PCLO: variants seen among roughly 807,000 people sequenced by gnomAD.
PCLO encodes piccolo presynaptic cytomatrix protein.
A neutral mutation model predicts 427.5 loss-of-function variants in PCLO; 82 were observed. That is an observed-to-expected ratio of 0.19 (90% CI 0.16 to 0.23). The LOEUF (loss-of-function observed/expected upper bound fraction) is 0.23. Among genes scored for constraint, PCLO ranks in the 10% least tolerant of loss-of-function variants. The pLI, the probability that PCLO is intolerant of heterozygous loss-of-function variation, is 1.00. For missense variants in PCLO, 6,239 were observed against 6,115.9 expected (o/e 1.02, Z -0.67); for synonymous variants, 2,357 against 2,155.4 (o/e 1.09, Z -2.59).
chr7:83,082,189 T>G lies in PCLO; in HGVS notation c.3300+52061A>C, dbSNP rs987675637. ...AAAAATTTTTCATACGGGGAATGAT[T>G]TGTTAAAATATGCAATAGAAAAAAC... is the stretch of plus-strand genomic sequence containing the variant. On this transcript the variant is annotated intron_variant, in intron 3 of 24. Coordinates refer to ENST00000333891, the MANE Select transcript of PCLO (RefSeq NM_033026.6). 2.6e-5 allele frequency among the ~76,000 whole-genome samples: 4 copies of G among 151,414 alleles called. No homozygotes were observed. The East Asian group carries it at 7.7e-4, about 29-fold the overall frequency.
chr7:82,809,039 A>G (rs1791513818), intron 20 of PCLO, among the ~76,000 whole-genome samples: 2 of 151,908 alleles, frequency 1.3e-5, no homozygotes, highest in African/African-American at 2.4e-5. Context: ...GTATTTACTC[A>G]TTTCTTTCTC....
At position 83,135,263 on chromosome 7, in the gene PCLO, T is replaced by C. The variant is rs758231644; in HGVS notation, c.2287A>G (p.Thr763Ala). The stretch of plus-strand genomic sequence containing the variant: ...GATGATGAAGATACAAGGTCAGTGG[T>C]TGGCTTTACCATCTTGGGCTGCTTT... ...KPKQPKMVKP[T>A]TDLVSSSSAT... The change falls in exon 3 of 25, where the codon ACC (threonine) becomes GCC (alanine). Residue 763 changes from threonine (T) to alanine (A), a missense_variant. Transcript: ENST00000333891. The C allele has an allele frequency of 1.9e-6, 3 of 1,613,872 alleles. No homozygotes were observed. Among genetic ancestry groups the C allele is most frequent in the Admixed American group, 1.7e-5 (1 of 60,010 alleles).
At chr7:83,017,654 C>T (rs1361576337) in intron 3 of PCLO, among the ~76,000 whole-genome samples, 2 of 151,896 alleles carry the variant, frequency 1.3e-5, no homozygotes, top group African/African-American at 4.8e-5. Context: ...TATACAGCTA[C>T]AAAATCATGT....
chr7:82,914,359 A>G, intron 7 of PCLO: 1 of 467,812 alleles, frequency 2.1e-6, no homozygotes, highest in Non-Finnish European at 3.7e-6. Context: ...ACAATGAAAA[A>G]CTTTTCAACT....
chr7:83,138,612 G>C (rs1287618132), intron 2 of PCLO, among the ~76,000 whole-genome samples: 1 of 151,722 alleles, frequency 6.6e-6, no homozygotes, highest in African/African-American at 2.4e-5. Context: ...ATTGAGCCGA[G>C]AAGCACTCCA....
chr7:82,793,252 C>T (rs549083556), intron 22 of PCLO, among the ~76,000 whole-genome samples: 1 of 152,226 alleles, frequency 6.6e-6, no homozygotes, highest in South Asian at 2.1e-4. Flanking sequence ...GAGTCACATT[C>T]TATGCCAGTG....
intron 3 of PCLO, among the ~76,000 whole-genome samples, chr7:83,038,031 T>TATATG (rs1562932995): frequency 5.8e-5 from 1 of 17,276 alleles, no homozygotes; most frequent in Non-Finnish European, 9.0e-5. Context: ...ATATATATAT[T>TATATG]TATATATTTA....
chr7:82,955,600 A>G lies in PCLO; in HGVS notation c.5353T>C (p.Leu1785=). The G allele has an allele frequency of 6.2e-7, 1 of 1,613,720 alleles. No homozygotes were observed. Among genetic ancestry groups the G allele is most frequent in the Non-Finnish European group, 8.5e-7 (1 of 1,179,812 alleles). The change falls in exon 5 of 25, where the codon TTA becomes CTA. Residue 1785 remains leucine (L), a synonymous_variant. Coordinates refer to ENST00000333891, the MANE Select transcript of PCLO (RefSeq NM_033026.6). ...EEEELREEEE[L]LKEQEKQREI... ...CTCTGCTTTTCTTGCTCCTTTAATA[A>G]TTCTTCTTCCTCTCTCAATTCTTCT...
intron 6 of PCLO, among the ~76,000 whole-genome samples, chr7:82,937,556 C>G (rs539983772): frequency 6.6e-6 from 1 of 151,730 alleles, no homozygotes; most frequent in South Asian, 2.1e-4. Context: ...TAATTATGAT[C>G]TCATGTGCTT....
intron 2 of PCLO, among the ~76,000 whole-genome samples, chr7:83,142,045 G>GAC (rs368575284): frequency 0.014 from 2,066 of 148,562 alleles, 33 homozygotes; most frequent in Non-Finnish European, 0.022. Context: ...CCCTCCCCCC[G>GAC]ACACACACAC....
At chr7:82,980,335 C>T (rs964683883) in intron 3 of PCLO, among the ~76,000 whole-genome samples, 5 of 152,050 alleles carry the variant, frequency 3.3e-5, no homozygotes, top group Admixed American at 1.3e-4. Flanking sequence ...GTGGTGTCAC[C>T]GGGAATACAT....
In PCLO at chr7:83,117,643, T is replaced by A. The variant is rs549404369; in HGVS notation, c.3300+16607A>T. Among the ~76,000 whole-genome samples, 4 of 152,322 alleles carry A rather than the reference T, an allele frequency of 2.6e-5. No homozygotes were observed. The East Asian group carries it at 7.7e-4, about 29-fold the overall frequency. On this transcript the variant is annotated intron_variant, in intron 3 of 24. Coordinates refer to ENST00000333891, the MANE Select transcript of PCLO (RefSeq NM_033026.6). The stretch of plus-strand genomic sequence containing the variant: ...TCACCTGTGACTCAAACTCACTGTA[T>A]GTACAGCATAACTCTAAGCCCATAT...
intron 3 of PCLO, among the ~76,000 whole-genome samples, chr7:83,019,110 ATGAG>A (rs947813801): frequency 2.4e-4 from 36 of 152,014 alleles, no homozygotes; most frequent in Non-Finnish European, 4.6e-4. Flanking sequence ...ACATTTATAC[ATGAG>A]TGAGTGAATG....
intron 19 of PCLO, 40 bp downstream of exon 19, chr7:82,824,196 T>G (rs748711285): frequency 7.1e-7 from 1 of 1,413,650 alleles, no homozygotes; most frequent in South Asian, 1.3e-5. Context: ...ACTGAACAAA[T>G]AGACACAAAA....
rs937525971 is a variant in PCLO, at chr7:82,975,719, T to G, written c.3301-9232A>C. Among the ~76,000 whole-genome samples, 6 of 152,090 alleles carry G rather than the reference T, an allele frequency of 3.9e-5. 1 individual carries two copies. Among genetic ancestry groups the G allele is most frequent in the Admixed American group, 3.9e-4 (6 of 15,264 alleles). On this transcript the variant is annotated intron_variant, in intron 3 of 24. Coordinates refer to ENST00000333891, the MANE Select transcript of PCLO (RefSeq NM_033026.6). ...GTCCCCACCAAATCTCATTGTAAAA[T>G]GTAATCCCCACGTGTGGAGGGAGGG...
chr7:83,135,575 G>C lies in PCLO; in HGVS notation c.1975C>G (p.Pro659Ala). The change falls in exon 3 of 25, where the codon CCC becomes GCC. Residue 659 changes from proline to alanine, a missense_variant. Physicochemically the swap from Pro to Ala is conservative, Grantham distance 27. Coordinates refer to ENST00000333891, the MANE Select transcript of PCLO (RefSeq NM_033026.6). The stretch of plus-strand genomic sequence containing the variant: ...GTAACAGGTGCAGTCTTCAGTTTGG[G>C]CTGGGGTGATGACGGAACTGGAGCC... ...DLAPVPSSPQPKLKTAPVTTT... is the reference protein window; with the variant it reads ...DLAPVPSSPQAKLKTAPVTTT... 6.2e-7 allele frequency: 1 copy of C among 1,613,480 alleles called. No homozygotes were observed. The highest frequency in any genetic ancestry group is 8.5e-7 in the Non-Finnish European group (1 of 1,179,760).
At chr7:82,793,407 C>T (rs1163651574) in intron 22 of PCLO, among the ~76,000 whole-genome samples, 1 of 152,008 alleles carries the variant, frequency 6.6e-6, no homozygotes, top group Non-Finnish European at 1.5e-5. Flanking sequence ...GCAGTTGCAC[C>T]CATATGTTGA....
At chr7:83,049,696 G>A (rs763250134) in intron 3 of PCLO, among the ~76,000 whole-genome samples, 1 of 152,030 alleles carries the variant, frequency 6.6e-6, no homozygotes, top group Admixed American at 6.6e-5. Context: ...CTCCTTAGGG[G>A]TTAGTTTTGG....
chr7:83,087,822 T>C (rs1181463047), intron 3 of PCLO, among the ~76,000 whole-genome samples: 4 of 152,202 alleles, frequency 2.6e-5, no homozygotes, highest in Non-Finnish European at 5.9e-5. Flanking sequence ...TTGCTTAATA[T>C]AGTTTTGACA....
Sources: gnomAD v4.1 joint callset for allele counts (sites outside exome capture counted in the v4.1 genomes callset) on GRCh38, gnomAD v4.1.1 for gene constraint, MANE v1.5 for transcripts, NCBI Gene and HGNC (gene_info 2026-07-23, HGNC 2026-07-21) for gene names.